The following CADM2 variants were observed in gnomAD, a reference collection of about 807,000 sequenced individuals.
CADM2 encodes cell adhesion molecule 2.
Under a neutral mutation model 49.8 loss-of-function variants are expected in CADM2, and 12 were observed. The ratio of observed to expected loss-of-function variants is 0.24; its 90% CI spans 0.15 to 0.39. The LOEUF is 0.39. Ranked by LOEUF, CADM2 falls within the 10% of genes least tolerant of loss-of-function variation. The pLI, the probability that CADM2 is intolerant of heterozygous loss-of-function variation, is 1.00. For missense variants in CADM2, 378 were observed against 492.3 expected, an observed-to-expected ratio of 0.77 and a Z score of 2.20; for synonymous variants, 214 against 175.4, an observed-to-expected ratio of 1.22 and a Z score of -1.74.
At chr3:85,750,112 C>A (rs2068801918) in intron 2 of CADM2, among the ~76,000 whole-genome samples, 1 of 151,842 alleles carries the variant, frequency 6.6e-6, no homozygotes, top group Non-Finnish European at 1.5e-5. Flanking sequence ...TTATTGAACT[C>A]ATCTTAAGAC....
At chr3:85,217,304 ATTAAT>A in intron 1 of CADM2, among the ~76,000 whole-genome samples, 1 of 151,952 alleles carries the variant, frequency 6.6e-6, no homozygotes, top group East Asian at 1.9e-4. Context: ...AGCAAATTTG[ATTAAT>A]TTAGGGATAG....
chr3:85,601,167 T>TACAC (rs1430217786), intron 1 of CADM2, among the ~76,000 whole-genome samples: 53 of 77,000 alleles, frequency 6.9e-4, no homozygotes, highest in East Asian at 3.9e-3. Context: ...TATATATATA[T>TACAC]ATATATACAC....
chr3:85,462,780 T>C (rs1297265417), intron 1 of CADM2, among the ~76,000 whole-genome samples: 1 of 152,198 alleles, frequency 6.6e-6, no homozygotes, highest in African/African-American at 2.4e-5. Flanking sequence ...TGAACTTTAC[T>C]GTCTTTGGTA....
At chr3:85,450,274 A>G (rs1236863623) in intron 1 of CADM2, among the ~76,000 whole-genome samples, 2 of 152,168 alleles carry the variant, frequency 1.3e-5, no homozygotes, top group Non-Finnish European at 2.9e-5. Flanking sequence ...ATACATTTCA[A>G]CAAATAACTG....
chr3:85,321,091 C>CGTAT lies in CADM2; in HGVS notation c.61+361423_61+361424insGTAT, dbSNP rs1430604188. Among the ~76,000 whole-genome samples, 4 of 64,748 alleles carry CGTAT rather than the reference C, an allele frequency of 6.2e-5. No homozygotes were observed. In the South Asian group the frequency reaches 2.8e-3, roughly 46 times the overall value. 42.5% of individuals were successfully genotyped at this position (64,748 alleles called of 152,430 possible). On this transcript the variant is annotated intron_variant, in intron 1 of 9. Transcript: ENST00000383699. ...TAAATGTACTCATAATAGATATATA[C>CGTAT]ATATATATATATATATATATATATA... is the stretch of plus-strand genomic sequence containing the variant.
chr3:85,659,677 AT>A (rs1274459536), intron 1 of CADM2, among the ~76,000 whole-genome samples: 1 of 152,134 alleles, frequency 6.6e-6, no homozygotes, highest in African/African-American at 2.4e-5. Context: ...TAGAAATTAA[AT>A]TTGTGACAGC....
In CADM2 at chr3:85,883,308, A is replaced by G; in HGVS notation, c.256A>G (p.Ile86Val). The G allele has an allele frequency of 6.2e-7, 1 of 1,613,000 alleles. No individual in the cohort carries two copies. The highest frequency in any genetic ancestry group is 8.5e-7 in the Non-Finnish European group (1 of 1,179,380). Reference sequence around the variant, plus strand: ...CTTTCCAGCTTTAAGGGACAATAGGATCGAGCTGGTTCGCGCTTCCTGGCA... The same window carrying G: ...CTTTCCAGCTTTAAGGGACAATAGGGTCGAGCTGGTTCGCGCTTCCTGGCA... ...DDKKALRDNR[I>V]ELVRASWHEL... The change falls in exon 4 of 10, where the codon ATC (isoleucine) becomes GTC (valine). Residue 86 changes from isoleucine to valine, a missense_variant. By Grantham distance (29) the Ile-to-Val change is conservative (BLOSUM62 3). Coordinates refer to ENST00000383699, the MANE Select transcript of CADM2 (RefSeq NM_001167675.2).
At chr3:85,800,923 C>T (rs1291178674) in intron 2 of CADM2, 3 of 152,122 alleles carry the variant, frequency 2.0e-5, no homozygotes, top group African/African-American at 4.8e-5. Context: ...TCAAGTGGTG[C>T]TTGTAGTAAT....
chr3:85,933,686 C>T (rs1307525750), intron 6 of CADM2, among the ~76,000 whole-genome samples: 1 of 152,036 alleles, frequency 6.6e-6, no homozygotes, highest in African/African-American at 2.4e-5. Context: ...GGTTTAGTTC[C>T]ACTCTGAGTC....
At chr3:85,520,098 T>C (rs2060996819) in intron 1 of CADM2, among the ~76,000 whole-genome samples, 1 of 152,070 alleles carries the variant, frequency 6.6e-6, no homozygotes, top group Non-Finnish European at 1.5e-5. Context: ...TTCATATGCA[T>C]AATATGCTTA....
chr3:85,297,396 T>C (rs952971713), intron 1 of CADM2, among the ~76,000 whole-genome samples: 9 of 152,014 alleles, frequency 5.9e-5, no homozygotes, highest in Non-Finnish European at 1.3e-4. Flanking sequence ...GGTAGAGAGA[T>C]GGGGGAAAAC....
intron 1 of CADM2, among the ~76,000 whole-genome samples, chr3:85,377,639 A>G (rs1307788415): frequency 2.6e-5 from 4 of 152,104 alleles, no homozygotes; most frequent in Non-Finnish European, 5.9e-5. Flanking sequence ...TTCTGCTTTA[A>G]AACAGTTTAT....
intron 1 of CADM2, among the ~76,000 whole-genome samples, chr3:85,286,149 C>G (rs1424156785): frequency 6.6e-6 from 1 of 152,106 alleles, no homozygotes; most frequent in Admixed American, 6.6e-5. Context: ...CTTCTCGCCC[C>G]TTTCAAGAAC....
At chr3:85,945,959 T>C (rs2108570975) in intron 7 of CADM2, among the ~76,000 whole-genome samples, 1 of 151,996 alleles carries the variant, frequency 6.6e-6, no homozygotes, top group Non-Finnish European at 1.5e-5. Flanking sequence ...AAATAAAGGG[T>C]ATTCAGTTAG....
At chr3:85,035,375 T>A (rs978444045) in intron 1 of CADM2, among the ~76,000 whole-genome samples, 7 of 152,336 alleles carry the variant, frequency 4.6e-5, no homozygotes, top group African/African-American at 1.4e-4. Flanking sequence ...GCTGGCTGTC[T>A]TTTCAGTTTG....
intron 1 of CADM2, among the ~76,000 whole-genome samples, chr3:85,610,902 A>G (rs1576928356): frequency 6.6e-6 from 1 of 151,974 alleles, no homozygotes; most frequent in Non-Finnish European, 1.5e-5. Context: ...TCACATCCTC[A>G]TAAGTGTTGA....
intron 1 of CADM2, among the ~76,000 whole-genome samples, chr3:85,666,018 A>G (rs1367044464): frequency 6.6e-6 from 1 of 152,030 alleles, no homozygotes; most frequent in Admixed American, 6.6e-5. Context: ...AAATCTCCTT[A>G]AGCTGATAAG....
chr3:85,527,706 T>C (rs2061194085), intron 1 of CADM2, among the ~76,000 whole-genome samples: 1 of 152,266 alleles, frequency 6.6e-6, no homozygotes, highest in Non-Finnish European at 1.5e-5. Context: ...ATTTCTGTTA[T>C]GCATAATACA....
intron 1 of CADM2, among the ~76,000 whole-genome samples, chr3:85,545,036 C>G (rs1038463786): frequency 6.6e-6 from 1 of 152,084 alleles, no homozygotes; most frequent in Non-Finnish European, 1.5e-5. Context: ...TGTCCTTGCA[C>G]TTTGGTTTTC....
Sources: allele counts gnomAD v4.1 joint callset (sites outside exome capture counted in the v4.1 genomes callset), GRCh38; gene constraint gnomAD v4.1.1; transcripts MANE v1.5; gene names NCBI Gene and HGNC (gene_info 2026-07-23, HGNC 2026-07-21).